The following ZNF442 variants were observed in gnomAD, a reference collection of about 807,000 sequenced individuals.
ZNF442 encodes the protein zinc finger protein 442.
A neutral mutation model predicts 57.0 loss-of-function variants in ZNF442; 45 were observed. That is an observed-to-expected ratio of 0.79 (90% CI 0.62 to 1.01). The LOEUF (loss-of-function observed/expected upper bound fraction) is 1.01. ZNF442 is among the 50% of genes least tolerant of loss of function. ZNF442 has a pLI of 0.00. For missense variants in ZNF442, 690 were observed against 756.5 expected (o/e 0.91, Z 1.03); for synonymous variants, 213 against 241.8 (o/e 0.88, Z 1.10).
Position 12,346,787 on chromosome 19 carries a change from C to G in ZNF442, c.*2914G>C, listed in dbSNP as rs1400471107. On this transcript the variant is annotated 3_prime_UTR_variant, in exon 6 of 6. Transcript: ENST00000242804. ...ACACAAAAACAATGAGTTCCTGATACATGCTACCACATGGATAAACCTTGA... is the reference window on the plus strand; with the variant it reads ...ACACAAAAACAATGAGTTCCTGATAGATGCTACCACATGGATAAACCTTGA... 6.6e-6 allele frequency: 1 copy of G among 152,214 alleles called. No homozygotes were observed. The highest frequency in any genetic ancestry group is 1.5e-5 in the Non-Finnish European group (1 of 68,044). 9.4% of individuals were successfully genotyped at this position (152,214 alleles called of 1,614,324 possible).
intron 3 of ZNF442, among the ~76,000 whole-genome samples, chr19:12,361,035 T>C (rs944293904): frequency 1.3e-5 from 2 of 151,572 alleles, no homozygotes; most frequent in African/African-American, 2.4e-5. Context: ...CTACTAAAAA[T>C]ACAAAATTAG....
At chr19:12,366,260 T>C (rs770919319), upstream of ZNF442, among the ~76,000 whole-genome samples, 1 of 152,186 alleles carries the variant, frequency 6.6e-6, no homozygotes, top group Non-Finnish European at 1.5e-5. Context: ...TAATCTTCTA[T>C]AAAGGAATCA....
the ZNF442 span, among the ~76,000 whole-genome samples, chr19:12,373,005 A>G: frequency 7.9e-5 from 12 of 152,074 alleles, no homozygotes; most frequent in Admixed American, 7.2e-4. Flanking sequence ...ATCTCCTGAC[A>G]TCGTGATCTG....
chr19:12,361,955 C>T (rs12976799), intron 3 of ZNF442, among the ~76,000 whole-genome samples: 40,619 of 152,164 alleles, frequency 0.27, 5,521 homozygotes, highest in Middle Eastern at 0.31. Context: ...CTCCTAACCG[C>T]GAGTGATCTG....
intron 3 of ZNF442, among the ~76,000 whole-genome samples, chr19:12,359,223 T>C (rs1165329020): frequency 6.6e-6 from 1 of 152,204 alleles, no homozygotes; most frequent in Non-Finnish European, 1.5e-5. Context: ...GACTTTTTAA[T>C]TTGTACTGAT....
Position 12,349,876 on chromosome 19 carries a change from T to C in ZNF442, c.1709A>G (p.Lys570Arg). 6.2e-7 allele frequency: 1 copy of C among 1,613,966 alleles called. No individual in the cohort carries two copies. The highest frequency in any genetic ancestry group is 1.6e-4 in the Middle Eastern group (1 of 6,062). The change falls in exon 6 of 6, where the codon AAA (lysine) becomes AGA (arginine). Residue 570 changes from lysine to arginine, a missense_variant. Coordinates refer to ENST00000242804, the MANE Select transcript of ZNF442 (RefSeq NM_030824.3). ...ACCACATTGTTGACATTCATAAGATTTCTTTCCAGTGTGAATTCTTTCATG... is the reference window on the plus strand; with the variant it reads ...ACCACATTGTTGACATTCATAAGATCTCTTTCCAGTGTGAATTCTTTCATG... ...LRHERIHTGK[K>R]SYECQQCGKA... is the part of the protein sequence containing the mutation.
intron 3 of ZNF442, among the ~76,000 whole-genome samples, chr19:12,359,372 A>G (rs916205704): frequency 7.9e-5 from 12 of 152,216 alleles, no homozygotes; most frequent in African/African-American, 2.7e-4. Context: ...CTGGACAAGC[A>G]GCCGTAAAAC....
At chr19:12,354,912 G>A (rs560727197) in intron 3 of ZNF442, among the ~76,000 whole-genome samples, 1 of 152,286 alleles carries the variant, frequency 6.6e-6, no homozygotes, top group African/African-American at 2.4e-5. Context: ...AAGCCTGCCA[G>A]TCAACTGAAG....
rs1424607241 is a variant in ZNF442 at position 12,347,525 on chromosome 19, C to G, written c.*2176G>C. On this transcript the variant is annotated 3_prime_UTR_variant, in exon 6 of 6. Coordinates refer to ENST00000242804, the MANE Select transcript of ZNF442 (RefSeq NM_030824.3). ...AAGACTTTATTGAGGAACACATTGA[C>G]AGGACAAGAGCACCGCCATCTTTAT... is the stretch of plus-strand genomic sequence containing the variant. 1 of 152,242 alleles carries G rather than the reference C, an allele frequency of 6.6e-6. No homozygotes were observed. The highest frequency in any genetic ancestry group is 1.5e-5 in the Non-Finnish European group (1 of 68,068). The allele number at this position is 152,242 out of a possible 1,614,324, so 9.4% of individuals were successfully genotyped here. A position where few individuals can be genotyped will look rare whatever the true frequency, so the allele number is the denominator to read the frequency against.
chr19:12,362,593 G>C (rs949016948), intron 3 of ZNF442, among the ~76,000 whole-genome samples: 3 of 145,398 alleles, frequency 2.1e-5, no homozygotes, highest in African/African-American at 7.6e-5. Flanking sequence ...AGGGAGGTGG[G>C]GGGCAGCCCC....
intron 3 of ZNF442, among the ~76,000 whole-genome samples, chr19:12,362,241 C>T (rs1172156670): frequency 1.3e-5 from 2 of 151,852 alleles, no homozygotes; most frequent in Non-Finnish European, 2.9e-5. Context: ...TGAGGAGCAC[C>T]TCTTCCTGGC....
At position 12,350,982 on chromosome 19, in the gene ZNF442, T is replaced by C. The variant is rs768663466; in HGVS notation, c.603A>G (p.Ile201Met). The change falls in exon 6 of 6, where the codon ATA (isoleucine) becomes ATG (methionine). Residue 201 changes from isoleucine (I) to methionine (M), a missense_variant. Physicochemically the swap from Ile to Met is conservative, Grantham distance 10. Transcript: ENST00000242804. ...SSSGNLRRHI[I>M]VQRGGGPYIC... ...TATAAGGTCCACCTCCACGTTGTAC[T>C]ATTATGTGTCTTCGAAGGTTTCCCG... 6.6e-5 allele frequency: 107 copies of C among 1,614,044 alleles called. 1 individual carries two copies. In the Admixed American group the frequency reaches 1.1e-3, roughly 17 times the overall value.
chr19:12,365,576 C>A lies in ZNF442; in HGVS notation c.-526G>T. On this transcript the variant is annotated 5_prime_UTR_variant, in exon 1 of 6. Transcript: ENST00000242804. ...GTGTCCCGTGTTCTCCCCAAGGTTC[C>A]CCGCTGCCAGCATAGGACTCAGCGT... 2.4e-6 allele frequency: 1 copy of A among 414,704 alleles called. No individual in the cohort carries two copies. Among genetic ancestry groups the A allele is most frequent in the East Asian group, 7.3e-5 (1 of 13,654 alleles). The allele number at this position is 414,704 out of a possible 1,614,324, so 25.7% of individuals were successfully genotyped here.
chr19:12,356,924 C>T (rs576635419), intron 3 of ZNF442, among the ~76,000 whole-genome samples: 32 of 152,206 alleles, frequency 2.1e-4, no homozygotes, highest in Admixed American at 1.6e-3. Context: ...TGAATAGTAT[C>T]CCAATGAGTT....
At position 12,351,163 on chromosome 19, in the gene ZNF442, T is replaced by C; in HGVS notation, c.422A>G (p.Lys141Arg). 1 of 1,614,152 alleles carries C rather than the reference T, an allele frequency of 6.2e-7. No individual in the cohort carries two copies. The highest frequency in any genetic ancestry group is 1.3e-5 in the African/African-American group (1 of 75,036). ...TCCATATTCCTGACACTCATCTGGT[T>C]TGTGTCCAGCATCAAATGTGATATA... ...NCYITFDAGHKPDECQEYGEK... is the reference protein window; with the variant it reads ...NCYITFDAGHRPDECQEYGEK... Residue 141 changes from lysine (K) to arginine (R), a missense_variant, in exon 6 of 6, where the codon AAA (lysine) becomes AGA (arginine). Physicochemically the swap from Lys to Arg is conservative, Grantham distance 26. Transcript: ENST00000242804.
upstream of ZNF442, among the ~76,000 whole-genome samples, chr19:12,369,819 TCACTTGAACC>T (rs1242477721): frequency 4.0e-5 from 6 of 151,520 alleles, no homozygotes; most frequent in East Asian, 1.2e-3. Flanking sequence ...GGCAGGAGAA[TCACTTGAACC>T]CAGGAGGCAG....
chr19:12,365,455 G>T, intron 1 of ZNF442, 78 bp downstream of exon 1: 1 of 365,582 alleles, frequency 2.7e-6, no homozygotes, highest in Non-Finnish European at 5.2e-6. Context: ...GGGACGCCCG[G>T]GTCCCGCCAC....
At chr19:12,352,766 T>C (rs1969264242) in intron 4 of ZNF442, among the ~76,000 whole-genome samples, 2 of 152,228 alleles carry the variant, frequency 1.3e-5, no homozygotes, top group South Asian at 4.1e-4. Context: ...TAATTGATTG[T>C]TTTTGTGACC....
chr19:12,360,921 G>A (rs1969414626), intron 3 of ZNF442, among the ~76,000 whole-genome samples: 1 of 152,126 alleles, frequency 6.6e-6, no homozygotes. Flanking sequence ...GCTGGGAGCG[G>A]TGGCTCAAGC....
Sources: allele counts gnomAD v4.1 joint callset (sites outside exome capture counted in the v4.1 genomes callset), GRCh38; gene constraint gnomAD v4.1.1; transcripts MANE v1.5; gene names NCBI Gene and HGNC (gene_info 2026-07-23, HGNC 2026-07-21).